The following TRPC4 variants were observed in gnomAD, a reference collection of about 807,000 sequenced individuals.
The protein encoded by TRPC4 is short transient receptor potential channel 4.
In TRPC4, 49 loss-of-function variants were observed where a neutral mutation model predicts 99.4. The observed-to-expected ratio is 0.49, with a 90% CI of 0.39 to 0.63. TRPC4 has a LOEUF of 0.63. Ranked by LOEUF, TRPC4 falls within the 20% of genes least tolerant of loss-of-function variation. The pLI is 0.00. For synonymous variants in TRPC4, 454 were observed against 425.9 expected, an observed-to-expected ratio of 1.07 and a Z score of -0.81; for missense variants, 898 against 1,152.9, an observed-to-expected ratio of 0.78 and a Z score of 3.20.
At chr13:37,638,280 A>C (rs1234057241) in intron 10 of TRPC4, among the ~76,000 whole-genome samples, 2 of 152,054 alleles carry the variant, frequency 1.3e-5, no homozygotes, top group East Asian at 3.9e-4. Context: ...GAATCATTTA[A>C]TATTACAATT....
intron 1 of TRPC4, among the ~76,000 whole-genome samples, chr13:37,851,094 C>T (rs1356157909): frequency 6.6e-6 from 1 of 152,176 alleles, no homozygotes; most frequent in South Asian, 2.1e-4. Flanking sequence ...GAAGAAAAGA[C>T]CTTATTAAAA....
intron 2 of TRPC4, among the ~76,000 whole-genome samples, chr13:37,751,060 C>T (rs538404081): frequency 2.6e-4 from 39 of 152,094 alleles, no homozygotes; most frequent in African/African-American, 9.4e-4. Flanking sequence ...ACTTGCTGTC[C>T]GGCTACCAAG....
intron 6 of TRPC4, among the ~76,000 whole-genome samples, chr13:37,662,892 T>C (rs1952493483): frequency 6.6e-6 from 1 of 152,170 alleles, no homozygotes; most frequent in Non-Finnish European, 1.5e-5. Context: ...CACAGAGAGT[T>C]TTGTGTGCAT....
chr13:37,671,536 G>T (rs567205316), intron 5 of TRPC4, among the ~76,000 whole-genome samples: 1 of 151,246 alleles, frequency 6.6e-6, no homozygotes. Context: ...GGCAAGTCTA[G>T]TAGACTCATA....
chr13:37,723,813 C>G (rs1181312741), intron 3 of TRPC4, among the ~76,000 whole-genome samples: 4 of 152,058 alleles, frequency 2.6e-5, no homozygotes, highest in Non-Finnish European at 5.9e-5. Flanking sequence ...TCTCGGGCTC[C>G]CAAAGCACTG....
At chr13:37,729,549 C>T (rs1577007) in intron 3 of TRPC4, among the ~76,000 whole-genome samples, 76,246 of 151,854 alleles carry the variant, frequency 0.5, 20,055 homozygotes, top group Non-Finnish European at 0.59. Flanking sequence ...TATAGCAGTA[C>T]GATCACCATA....
At chr13:37,836,785 C>T (rs1054410028) in intron 1 of TRPC4, among the ~76,000 whole-genome samples, 2 of 152,192 alleles carry the variant, frequency 1.3e-5, no homozygotes, top group Non-Finnish European at 2.9e-5. Flanking sequence ...CAGAAATTTG[C>T]ATAAGTAACA....
At chr13:37,761,441 G>A (rs1168959937) in intron 2 of TRPC4, among the ~76,000 whole-genome samples, 2 of 151,850 alleles carry the variant, frequency 1.3e-5, no homozygotes, top group Non-Finnish European at 2.9e-5. Flanking sequence ...AACAGCTCAG[G>A]TAGCGAGAGT....
At chr13:37,754,103 T>C (rs1423926013) in intron 2 of TRPC4, among the ~76,000 whole-genome samples, 1 of 152,108 alleles carries the variant, frequency 6.6e-6, no homozygotes, top group East Asian at 1.9e-4. Context: ...TTTAAGGAAG[T>C]CTAAAATATA....
chr13:37,850,550 C>G (rs999263490), intron 1 of TRPC4, among the ~76,000 whole-genome samples: 4 of 152,084 alleles, frequency 2.6e-5, no homozygotes, highest in African/African-American at 4.8e-5. Context: ...TCTATGGGTA[C>G]AATTATATAT....
chr13:37,836,417 G>A (rs910883954), intron 1 of TRPC4, among the ~76,000 whole-genome samples: 5 of 152,130 alleles, frequency 3.3e-5, no homozygotes, highest in East Asian at 1.9e-4. Context: ...CTAGAGGCTC[G>A]TTGAATGGCT....
chr13:37,698,388 C>T (rs1953993418), intron 3 of TRPC4, among the ~76,000 whole-genome samples: 1 of 151,416 alleles, frequency 6.6e-6, no homozygotes, highest in African/African-American at 2.4e-5. Context: ...GTCTCGATCT[C>T]CTGACCTCGT....
intron 4 of TRPC4, among the ~76,000 whole-genome samples, chr13:37,680,319 G>C: frequency 6.6e-6 from 1 of 152,170 alleles, no homozygotes; most frequent in South Asian, 2.1e-4. Flanking sequence ...TTTTTCACCA[G>C]AAGGCATAGT....
chr13:37,692,664 A>G (rs1032570866), intron 3 of TRPC4, among the ~76,000 whole-genome samples: 2 of 152,206 alleles, frequency 1.3e-5, no homozygotes, highest in African/African-American at 4.8e-5. Flanking sequence ...TTATAAAGAT[A>G]CACACCTATA....
At chr13:37,834,228 A>G (rs569853104) in intron 1 of TRPC4, among the ~76,000 whole-genome samples, 1 of 152,342 alleles carries the variant, frequency 6.6e-6, no homozygotes, top group South Asian at 2.1e-4. Context: ...TGAGTACAAT[A>G]TTGACAAAAC....
chr13:37,709,744 C>A (rs1954414241), intron 3 of TRPC4, among the ~76,000 whole-genome samples: 3 of 151,938 alleles, frequency 2.0e-5, no homozygotes, highest in Non-Finnish European at 2.9e-5. Context: ...AACATTATAG[C>A]TATTTACATA....
chr13:37,744,804 C>A (rs1955691085), intron 3 of TRPC4, among the ~76,000 whole-genome samples: 1 of 152,032 alleles, frequency 6.6e-6, no homozygotes, highest in Admixed American at 6.6e-5. Flanking sequence ...AACAGAGAAC[C>A]AATATTTTCT....
intron 2 of TRPC4, among the ~76,000 whole-genome samples, chr13:37,762,884 A>T (rs565415138): frequency 1.5e-4 from 23 of 151,400 alleles, no homozygotes; most frequent in Admixed American, 5.9e-4. Flanking sequence ...AAAATAAAAT[A>T]AAAAAAAGAC....
intron 1 of TRPC4, among the ~76,000 whole-genome samples, chr13:37,853,149 A>G (rs1959100832): frequency 1.3e-5 from 2 of 152,248 alleles, no homozygotes; most frequent in East Asian, 3.9e-4. Flanking sequence ...CTTGGGCAAG[A>G]CCCAGTGCTG....
Sources: gnomAD v4.1 joint callset for allele counts (sites outside exome capture counted in the v4.1 genomes callset) on GRCh38, gnomAD v4.1.1 for gene constraint, MANE v1.5 for transcripts, NCBI Gene and HGNC (gene_info 2026-07-23, HGNC 2026-07-21) for gene names.